PDLIM1: variants seen among roughly 807,000 people sequenced by gnomAD.
PDLIM1 encodes PDZ and LIM domain 1, also known as PDZ and LIM domain protein 1.
In PDLIM1, 25 loss-of-function variants were observed where a neutral mutation model predicts 35.2. The ratio of observed to expected loss-of-function variants is 0.71; its 90% CI spans 0.52 to 0.99. The LOEUF is 0.99. Among genes scored for constraint, PDLIM1 ranks in the 50% least tolerant of loss-of-function variants. PDLIM1 has a pLI of 0.00. For missense variants in PDLIM1, 363 were observed against 415.3 expected, an observed-to-expected ratio of 0.87 and a Z score of 1.09; for synonymous variants, 152 against 154.0, an observed-to-expected ratio of 0.99 and a Z score of 0.10.
intron 1 of PDLIM1, among the ~76,000 whole-genome samples, chr10:95,279,665 A>G (rs1436090637): frequency 1.3e-5 from 2 of 152,240 alleles, no homozygotes; most frequent in African/African-American, 4.8e-5. Context: ...TCAGGGGAGC[A>G]AAACGTTGTC....
chr10:95,255,900 T>TACACGCACAC (rs1554832047), intron 4 of PDLIM1, among the ~76,000 whole-genome samples: 78 of 138,964 alleles, frequency 5.6e-4, no homozygotes, highest in African/African-American at 1.9e-3. Context: ...CCCCCCCCAC[T>TACACGCACAC]ACACACACAC....
At chr10:95,263,788 T>G in intron 4 of PDLIM1, 76 bp downstream of exon 4, 1 of 1,165,468 alleles carries the variant, frequency 8.6e-7, no homozygotes, top group Admixed American at 2.3e-5. Context: ...CTCTTGCACC[T>G]GCCTGGGCAG....
At chr10:95,277,917 T>C (rs1180470978) in intron 1 of PDLIM1, among the ~76,000 whole-genome samples, 1 of 152,210 alleles carries the variant, frequency 6.6e-6, no homozygotes, top group Non-Finnish European at 1.5e-5. Flanking sequence ...TAAAATCGGA[T>C]GATGATGTAG....
intron 3 of PDLIM1, among the ~76,000 whole-genome samples, chr10:95,266,608 G>C (rs1430210928): frequency 6.6e-6 from 1 of 152,172 alleles, no homozygotes; most frequent in Non-Finnish European, 1.5e-5. Context: ...AGTTACTAGA[G>C]TGTCAAGTAC....
intron 5 of PDLIM1, among the ~76,000 whole-genome samples, chr10:95,242,961 T>A (rs2035190792): frequency 6.8e-6 from 1 of 147,662 alleles, no homozygotes; most frequent in Non-Finnish European, 1.5e-5. Flanking sequence ...TCTTATGCAA[T>A]GGGCTTTTCA....
At chr10:95,247,962 T>C (rs958349743) in intron 4 of PDLIM1, among the ~76,000 whole-genome samples, 16 of 152,238 alleles carry the variant, frequency 1.1e-4, no homozygotes, top group African/African-American at 3.9e-4. Context: ...CTTTGTGAAC[T>C]GTTGATGTTC....
At position 95,254,184 on chromosome 10, in the gene PDLIM1, A is replaced by T. The variant is rs572102499; in HGVS notation, c.534-6818T>A. Among the ~76,000 whole-genome samples the T allele has an allele frequency of 4.9e-4, 74 of 152,362 alleles. 1 individual carries two copies. The highest frequency in any genetic ancestry group is 1.7e-3 in the African/African-American group (72 of 41,588). Reference sequence around the variant, plus strand: ...AACCAACTGAAAGACAGAAATGAACAGGGTAGATACAAAACAGTACATTTT... The same window carrying T: ...AACCAACTGAAAGACAGAAATGAACTGGGTAGATACAAAACAGTACATTTT... On this transcript the variant is annotated intron_variant, in intron 4 of 6. Coordinates refer to ENST00000329399, the MANE Select transcript of PDLIM1 (RefSeq NM_020992.4).
intron 1 of PDLIM1, among the ~76,000 whole-genome samples, chr10:95,275,159 C>G (rs2035500188): frequency 6.6e-6 from 1 of 152,298 alleles, no homozygotes; most frequent in Middle Eastern, 3.4e-3. Flanking sequence ...TGCCCCCCGA[C>G]CAAGATGCGA....
intron 6 of PDLIM1, among the ~76,000 whole-genome samples, chr10:95,238,354 AT>A (rs35704711): frequency 0.34 from 52,328 of 151,984 alleles, 9,526 homozygotes; most frequent in Middle Eastern, 0.51. Context: ...GATTTTTCTC[AT>A]TTTACATGTT....
intron 4 of PDLIM1, among the ~76,000 whole-genome samples, chr10:95,249,827 T>C (rs776314072): frequency 3.3e-5 from 5 of 152,008 alleles, no homozygotes; most frequent in Non-Finnish European, 5.9e-5. Flanking sequence ...ACCCAAAGAG[T>C]GGCATATGCT....
intron 1 of PDLIM1, among the ~76,000 whole-genome samples, chr10:95,282,033 C>G (rs45498391): frequency 2.1e-3 from 323 of 152,268 alleles, no homozygotes; most frequent in African/African-American, 7.2e-3. Context: ...CTAAGACAAG[C>G]CTGCAAGTAA....
intron 5 of PDLIM1, among the ~76,000 whole-genome samples, chr10:95,239,777 C>G (rs1017531144): frequency 6.6e-6 from 1 of 152,092 alleles, no homozygotes; most frequent in Non-Finnish European, 1.5e-5. Context: ...GCCTGGGCAA[C>G]AGAGCGAGAC....
intron 1 of PDLIM1, among the ~76,000 whole-genome samples, chr10:95,282,098 G>A (rs1415556467): frequency 1.3e-5 from 2 of 152,222 alleles, no homozygotes; most frequent in African/African-American, 2.4e-5. Context: ...CTGGGATAAA[G>A]AAATGTGAGA....
At chr10:95,265,369 C>A (rs1392768383) in intron 3 of PDLIM1, among the ~76,000 whole-genome samples, 1 of 150,088 alleles carries the variant, frequency 6.7e-6, no homozygotes. Context: ...CCGAGGCGGG[C>A]GGATCACCTG....
At chr10:95,257,616 C>G (rs945661069) in intron 4 of PDLIM1, among the ~76,000 whole-genome samples, 7 of 152,164 alleles carry the variant, frequency 4.6e-5, no homozygotes, top group Non-Finnish European at 1.0e-4. Flanking sequence ...CACCTCACAT[C>G]TATTAAGATG....
rs750751116 is a variant in PDLIM1 at position 95,268,773 on chromosome 10, C to T, written c.333+5G>A. ...GAGCAGCGGCAACGATGAGCAAGAA[C>T]TTACCTGGGGTTCAGAGGCTAAATT... is the stretch of plus-strand genomic sequence containing the variant. On this transcript the variant is annotated splice_donor_5th_base_variant and intron_variant, in intron 3 of 6. Transcript: ENST00000329399. The T allele has an allele frequency of 6.3e-7, 1 of 1,595,076 alleles. No homozygotes were observed. Among genetic ancestry groups the T allele is most frequent in the Non-Finnish European group, 8.6e-7 (1 of 1,162,588 alleles).
intron 4 of PDLIM1, among the ~76,000 whole-genome samples, chr10:95,257,822 C>T (rs770449488): frequency 1.3e-5 from 2 of 152,160 alleles, no homozygotes; most frequent in African/African-American, 2.4e-5. Flanking sequence ...GAAGAAGGAT[C>T]TCAAAGAGAT....
intron 4 of PDLIM1, among the ~76,000 whole-genome samples, chr10:95,257,411 A>T (rs1712034086): frequency 6.6e-6 from 1 of 152,078 alleles, no homozygotes; most frequent in African/African-American, 2.4e-5. Flanking sequence ...AAATATTTGC[A>T]AAACATACGT....
At chr10:95,245,942 A>T (rs1176746074) in intron 5 of PDLIM1, among the ~76,000 whole-genome samples, 1 of 152,196 alleles carries the variant, frequency 6.6e-6, no homozygotes, top group Non-Finnish European at 1.5e-5. Flanking sequence ...CATCTTCCAG[A>T]GGGCACAAGC....
Sources: gnomAD v4.1 joint callset for allele counts (sites outside exome capture counted in the v4.1 genomes callset) on GRCh38, gnomAD v4.1.1 for gene constraint, MANE v1.5 for transcripts, NCBI Gene and HGNC (gene_info 2026-07-23, HGNC 2026-07-21) for gene names.